The following TOMM7 variants were observed in gnomAD, a reference collection of about 807,000 sequenced individuals.
TOMM7 encodes the protein mitochondrial import receptor subunit TOM7 homolog.
TOMM7 carries 8 observed loss-of-function variants against 9.5 expected under a neutral mutation model. The observed-to-expected ratio is 0.84, with a 90% CI of 0.49 to 1.51. The LOEUF is 1.51. TOMM7 is among the 40% of genes most tolerant of loss of function. The pLI is 0.00. For synonymous variants in TOMM7, 27 were observed against 21.4 expected (o/e 1.26, Z -0.72); for missense variants, 74 against 63.7 (o/e 1.16, Z -0.55).
At chr7:22,814,635 ATTTTGCCTAAAT>A (rs1468832903) in intron 2 of TOMM7, among the ~76,000 whole-genome samples, 6 of 152,178 alleles carry the variant, frequency 3.9e-5, no homozygotes, top group African/African-American at 1.4e-4. Context: ...ATAGTCACAT[ATTTTGCCTAAAT>A]GTTTTACAAA....
chr7:22,822,263 C>T, intron 1 of TOMM7: 1 of 1,550,320 alleles, frequency 6.5e-7, no homozygotes. Context: ...GGCAGTGGTA[C>T]TTTCACGAGG....
chr7:22,822,088 T>A, intron 1 of TOMM7: 1 of 1,531,634 alleles, frequency 6.5e-7, no homozygotes, highest in Non-Finnish European at 8.8e-7. Flanking sequence ...CCTGAGCCCC[T>A]AACTCCCTCA....
At chr7:22,817,822 C>A (rs530618953) in intron 2 of TOMM7, 178 bp downstream of exon 2, 12 of 577,264 alleles carry the variant, frequency 2.1e-5, no homozygotes, top group Non-Finnish European at 3.8e-5. Context: ...TAACATGGTA[C>A]AGTAAATACA....
At chr7:22,819,980 T>C (rs527349939) in intron 1 of TOMM7, among the ~76,000 whole-genome samples, 1 of 152,290 alleles carries the variant, frequency 6.6e-6, no homozygotes, top group African/African-American at 2.4e-5. Context: ...TGAACCTAAA[T>C]TACACACAAA....
intron 2 of TOMM7, among the ~76,000 whole-genome samples, chr7:22,816,959 T>A (rs1454500726): frequency 1.3e-5 from 2 of 152,230 alleles, no homozygotes; most frequent in African/African-American, 2.4e-5. Flanking sequence ...ATAACATATT[T>A]TCTGCCCACT....
chr7:22,818,754 G>T (rs1242650588), intron 1 of TOMM7, among the ~76,000 whole-genome samples: 1 of 152,082 alleles, frequency 6.6e-6, no homozygotes, highest in Non-Finnish European at 1.5e-5. Flanking sequence ...AGAGCAAAAT[G>T]ATTTTTGGAA....
In TOMM7 at chr7:22,821,415, A is replaced by G. The variant is rs1371340647; in HGVS notation, c.103+1262T>C. ...AGGCAGACCCCGTCTCAAAAAAAAA[A>G]AAAAAAAAGAAAAAGAAAAAACTAC... is the stretch of plus-strand genomic sequence containing the variant. On this transcript the variant is annotated intron_variant, in intron 1 of 2. Transcript: ENST00000358435. 6.0e-5 allele frequency among the ~76,000 whole-genome samples: 9 copies of G among 149,474 alleles called. No individual in the cohort carries two copies. In the East Asian group the frequency reaches 1.4e-3, roughly 23 times the overall value.
chr7:22,821,204 G>A (rs113226993), intron 1 of TOMM7, among the ~76,000 whole-genome samples: 132 of 152,148 alleles, frequency 8.7e-4, no homozygotes, highest in African/African-American at 3.1e-3. Flanking sequence ...GAGGTCAGGA[G>A]ATCGAGACCA....
rs113404974 is a variant in TOMM7 at position 22,822,508 on chromosome 7, C to A, written c.103+169G>T. ...ACCATGCAACTATAAAGCGATAGAA[C>A]GGGAACTCGAACTCAGGTTAGATCG... On this transcript the variant is annotated intron_variant, in intron 1 of 2. Coordinates refer to ENST00000358435, the MANE Select transcript of TOMM7 (RefSeq NM_019059.5). Among the ~76,000 whole-genome samples the A allele has an allele frequency of 4.1e-3, 620 of 152,322 alleles. 6 individuals are homozygous for A. The highest frequency in any genetic ancestry group is 0.014 in the African/African-American group (599 of 41,556).
intron 2 of TOMM7, among the ~76,000 whole-genome samples, chr7:22,814,842 A>C (rs1447979279): frequency 1.3e-5 from 2 of 152,234 alleles, no homozygotes; most frequent in African/African-American, 4.8e-5. Context: ...TGTATTATTT[A>C]CATAAGTATT....
intron 2 of TOMM7, among the ~76,000 whole-genome samples, chr7:22,814,787 C>T (rs909272439): frequency 6.6e-6 from 1 of 152,160 alleles, no homozygotes; most frequent in African/African-American, 2.4e-5. Flanking sequence ...TAATCTCAAA[C>T]AACCCAACAA....
intron 1 of TOMM7, among the ~76,000 whole-genome samples, chr7:22,821,102 G>C (rs1782381910): frequency 6.6e-6 from 1 of 152,166 alleles, no homozygotes; most frequent in South Asian, 2.1e-4. Flanking sequence ...TGCCTGAGTG[G>C]GGCAGTAAAA....
chr7:22,821,291 T>C (rs1034094744), intron 1 of TOMM7, among the ~76,000 whole-genome samples: 25 of 151,272 alleles, frequency 1.7e-4, no homozygotes, highest in African/African-American at 6.1e-4. Flanking sequence ...GGCGCTGTAG[T>C]CCCAGCTGTG....
chr7:22,813,236 TTC>T, intron 2 of TOMM7, 51 bp from the exon 3 acceptor site: 1 of 1,567,454 alleles, frequency 6.4e-7, no homozygotes, highest in South Asian at 1.1e-5. Context: ...AATAAAAATC[TTC>T]TAGACATAAC....
rs1205866053 is a variant in TOMM7 at position 22,822,800 on chromosome 7, G to A, written c.-21C>T. The A allele has an allele frequency of 1.9e-6, 3 of 1,600,200 alleles. No individual in the cohort carries two copies. The highest frequency in any genetic ancestry group is 1.7e-5 in the Admixed American group (1 of 60,012). On this transcript the variant is annotated 5_prime_UTR_variant, in exon 1 of 3. Transcript: ENST00000358435. ...ACCATGGCGACGGCCGTGTGGCGCA[G>A]GGAGGACCCCTTACAGCAACCACAG...
intron 2 of TOMM7, among the ~76,000 whole-genome samples, chr7:22,817,122 A>C (rs889885749): frequency 6.6e-6 from 1 of 152,238 alleles, no homozygotes; most frequent in African/African-American, 2.4e-5. Flanking sequence ...CATGGTCATC[A>C]TAGTGCCACA....
At position 22,813,046 on chromosome 7, in the gene TOMM7, C is replaced by T; in HGVS notation, c.*124G>A. 1.1e-6 allele frequency: 1 copy of T among 915,704 alleles called. No individual in the cohort carries two copies. The highest frequency in any genetic ancestry group is 1.8e-6 in the Non-Finnish European group (1 of 554,208). The allele number at this position is 915,704 out of a possible 1,614,324, so 56.7% of individuals were successfully genotyped here. A position where few individuals can be genotyped will look rare whatever the true frequency, so the allele number is the denominator to read the frequency against. On this transcript the variant is annotated 3_prime_UTR_variant, in exon 3 of 3. Transcript: ENST00000358435. ...AAGTTCCACTCTGCTACAGATGCGT[C>T]TGTGAAGAGCCTTGTGCCATCCAAC...
chr7:22,822,753 C>T lies in TOMM7; in HGVS notation c.27G>A (p.Lys9=), dbSNP rs766928879. 1.2e-6 allele frequency: 2 copies of T among 1,614,198 alleles called. No individual in the cohort carries two copies. The highest frequency in any genetic ancestry group is 1.7e-6 in the Non-Finnish European group (2 of 1,180,022). MVKLSKEA[K]QRLQQLFKGS... is the part of the protein sequence containing the mutation. ...CCTTGAAGAGCTGCTGTAGTCTCTG[C>T]TTGGCCTCTTTGCTCAGCTTCACCA... Residue 9 remains lysine (K), a synonymous_variant, in exon 1 of 3, where the codon AAG becomes AAA. Coordinates refer to ENST00000358435, the MANE Select transcript of TOMM7 (RefSeq NM_019059.5).
At chr7:22,822,600 C>G (rs1163505616) in intron 1 of TOMM7, 77 bp downstream of exon 1, 5 of 1,338,886 alleles carry the variant, frequency 3.7e-6, no homozygotes, top group Non-Finnish European at 5.4e-6. Flanking sequence ...TCTCCCTCCC[C>G]CGACGGCCAA....
Sources: allele counts gnomAD v4.1 joint callset (sites outside exome capture counted in the v4.1 genomes callset), GRCh38; gene constraint gnomAD v4.1.1; transcripts MANE v1.5; gene names NCBI Gene and HGNC (gene_info 2026-07-23, HGNC 2026-07-21).